DMD: variants seen among roughly 807,000 people sequenced by gnomAD.
DMD encodes the protein mutant dystrophin.
A neutral mutation model predicts 330.1 loss-of-function variants in DMD; 63 were observed. The observed-to-expected ratio is 0.19, with a 90% CI of 0.16 to 0.24. DMD has a LOEUF of 0.24. DMD is among the 10% of genes least tolerant of loss of function. DMD has a pLI of 1.00. For synonymous variants in DMD, 1,223 were observed against 959.8 expected (o/e 1.27, Z -5.07); for missense variants, 3,344 against 2,684.1 (o/e 1.25, Z -5.43).
At chrX:32,386,545 G>T in intron 32 of DMD, 80 bp from the exon 33 acceptor site, 1 of 903,605 alleles carries the variant, frequency 1.1e-6, no homozygotes, top group Non-Finnish European at 1.6e-6. Context: ...AATAAATAGA[G>T]ATCCCCTTAA....
chrX:31,795,333 G>C (rs766829708), intron 50 of DMD, among the ~76,000 whole-genome samples: 26 of 112,318 alleles, frequency 2.3e-4, no homozygotes, highest in Non-Finnish European at 3.8e-4. Flanking sequence ...TAATGATACA[G>C]TAGATACACA....
intron 25 of DMD, among the ~76,000 whole-genome samples, chrX:32,456,877 G>A (rs1388761048): frequency 1.9e-5 from 2 of 105,258 alleles, no homozygotes; most frequent in East Asian, 6.0e-4. Flanking sequence ...GATTTAATAT[G>A]CCTATTATTA....
chrX:31,344,126 T>C (rs978490761), intron 61 of DMD, among the ~76,000 whole-genome samples: 12 of 110,017 alleles, frequency 1.1e-4, no homozygotes, highest in Non-Finnish European at 7.6e-5. Context: ...ATTGGGATTA[T>C]AGGCATGAGC....
chrX:32,290,228 C>A (rs755588579), intron 42 of DMD, among the ~76,000 whole-genome samples: 10 of 112,455 alleles, frequency 8.9e-5, no homozygotes, highest in East Asian at 2.8e-4. Flanking sequence ...GTTAAAGGGG[C>A]CTTCTCTACT....
At chrX:32,223,824 G>A (rs1603628608) in intron 43 of DMD, among the ~76,000 whole-genome samples, 1 of 111,535 alleles carries the variant, frequency 9.0e-6, no homozygotes, top group Middle Eastern at 4.6e-3. Context: ...GACCATTAAT[G>A]GGACTTAGAA....
intron 45 of DMD, among the ~76,000 whole-genome samples, chrX:31,941,387 T>G (rs2094998213): frequency 9.0e-6 from 1 of 111,397 alleles, no homozygotes; most frequent in Non-Finnish European, 1.9e-5. Flanking sequence ...TCCCGGTTTT[T>G]TAAGCTGAAA....
chrX:32,971,991 C>T (rs756035905), intron 2 of DMD, among the ~76,000 whole-genome samples: 15 of 110,961 alleles, frequency 1.4e-4, no homozygotes, highest in South Asian at 1.1e-3. Context: ...CAGATGTAGA[C>T]GTTATCTATA....
chrX:32,222,537 A>C (rs987847951), intron 43 of DMD, among the ~76,000 whole-genome samples: 2 of 112,701 alleles, frequency 1.8e-5, no homozygotes, highest in Non-Finnish European at 3.8e-5. Context: ...AGATTAACCA[A>C]GAAAAAAAGA....
chrX:32,168,624 C>T (rs188341155), intron 44 of DMD, among the ~76,000 whole-genome samples: 1 of 109,255 alleles, frequency 9.2e-6, no homozygotes, highest in African/African-American at 3.3e-5. Context: ...TAAGAAAACA[C>T]TTGGAATAAT....
chrX:32,479,018 A>AGTG (rs2041536408), intron 21 of DMD, among the ~76,000 whole-genome samples: 1 of 111,695 alleles, frequency 9.0e-6, no homozygotes, highest in Non-Finnish European at 1.9e-5. Flanking sequence ...TTGTGTAAGT[A>AGTG]TAAACTACCA....
At chrX:31,716,826 TACACACACAC>T (rs3032284) in intron 52 of DMD, among the ~76,000 whole-genome samples, 101 of 96,465 alleles carry the variant, frequency 1.0e-3, no homozygotes, top group Non-Finnish European at 1.6e-3. Context: ...TATATAAGAA[TACACACACAC>T]ACACACACAC....
chrX:32,956,414 T>C (rs2091587281), intron 2 of DMD, among the ~76,000 whole-genome samples: 1 of 111,738 alleles, frequency 8.9e-6, no homozygotes, highest in Middle Eastern at 4.6e-3. Context: ...CTAGGTATTT[T>C]ATTCTTTCTA....
chrX:31,806,398 C>T (rs971929568), intron 50 of DMD, among the ~76,000 whole-genome samples: 1 of 111,832 alleles, frequency 8.9e-6, no homozygotes, highest in Non-Finnish European at 1.9e-5. Flanking sequence ...TCCTCAACTG[C>T]GGGAATTTAT....
intron 1 of DMD, among the ~76,000 whole-genome samples, chrX:33,162,351 T>G (rs957417045): frequency 3.6e-5 from 4 of 111,926 alleles, no homozygotes; most frequent in African/African-American, 9.7e-5. Flanking sequence ...ATCAATGCAG[T>G]ATAGGCTTTA....
At chrX:32,219,827 T>A (rs753081546) in intron 43 of DMD, among the ~76,000 whole-genome samples, 2 of 112,006 alleles carry the variant, frequency 1.8e-5, no homozygotes, top group Admixed American at 1.9e-4. Context: ...CTCAAAGATT[T>A]TCGATTTCAA....
intron 1 of DMD, among the ~76,000 whole-genome samples, chrX:33,231,887 T>G (rs2052393852): frequency 9.0e-6 from 1 of 111,479 alleles, no homozygotes; most frequent in Non-Finnish European, 1.9e-5. Context: ...TGTCTTATGT[T>G]TATGCCTTCC....
intron 55 of DMD, among the ~76,000 whole-genome samples, chrX:31,611,333 A>T (rs1028225251): frequency 5.4e-5 from 6 of 111,160 alleles, no homozygotes; most frequent in African/African-American, 2.0e-4. Context: ...CAGAAGATCA[A>T]CCTGAGATCT....
At chrX:31,783,632 A>C (rs1486558310) in intron 50 of DMD, among the ~76,000 whole-genome samples, 2 of 111,296 alleles carry the variant, frequency 1.8e-5, no homozygotes, top group Non-Finnish European at 3.8e-5. Flanking sequence ...CAATGTACTA[A>C]GCAGAGTCCT....
At chrX:33,250,982 A>G (rs978566546) in intron 1 of DMD, among the ~76,000 whole-genome samples, 10 of 110,864 alleles carry the variant, frequency 9.0e-5, no homozygotes, top group African/African-American at 3.3e-4. Context: ...GCCATTTCCT[A>G]TATATATTTT....
Sources: allele counts gnomAD v4.1 joint callset (sites outside exome capture counted in the v4.1 genomes callset), GRCh38; gene constraint gnomAD v4.1.1; transcripts MANE v1.5; gene names NCBI Gene and HGNC (gene_info 2026-07-23, HGNC 2026-07-21).